Variants in VWA8 observed in about 807,000 individuals in gnomAD.
VWA8 encodes von Willebrand factor A domain containing 8.
Under a neutral mutation model 241.5 loss-of-function variants are expected in VWA8, and 221 were observed. That is an observed-to-expected ratio of 0.91 (90% CI 0.82 to 1.02). VWA8 has a LOEUF of 1.02. Ranked by LOEUF, VWA8 falls within the 50% of genes least tolerant of loss-of-function variation. VWA8 has a pLI of 0.00. For missense variants in VWA8, 2,322 were observed against 2,328.7 expected, an observed-to-expected ratio of 1.00 and a Z score of 0.06; for synonymous variants, 852 against 827.1, an observed-to-expected ratio of 1.03 and a Z score of -0.52.
At position 41,689,517 on chromosome 13, in the gene VWA8, T is replaced by C. The variant is rs756158928; in HGVS notation, c.3977-9A>G. The C allele has an allele frequency of 4.4e-6, 7 of 1,600,320 alleles. No individual in the cohort carries two copies. The African/African-American group carries it at 8.1e-5, about 18-fold the overall frequency. ...TATGCTGAACTCTGTTTCTGAAAAGTACAAACATTAGACACCATATGCTCC... is the reference window on the plus strand; with the variant it reads ...TATGCTGAACTCTGTTTCTGAAAAGCACAAACATTAGACACCATATGCTCC... On this transcript the variant is annotated splice_polypyrimidine_tract_variant and intron_variant, in intron 33 of 44. Coordinates refer to ENST00000379310, the MANE Select transcript of VWA8 (RefSeq NM_015058.2).
chr13:41,676,674 C>T (rs2045062366), intron 35 of VWA8, among the ~76,000 whole-genome samples: 2 of 152,068 alleles, frequency 1.3e-5, no homozygotes, highest in African/African-American at 4.8e-5. Context: ...CTCTTGTTGC[C>T]CAGGCTGGAG....
At chr13:41,811,103 A>AT in intron 17 of VWA8, 122 bp downstream of exon 17, 1 of 755,380 alleles carries the variant, frequency 1.3e-6, no homozygotes, top group South Asian at 2.2e-5. Context: ...CAAGGCTGAA[A>AT]TAGCTCTACA....
At chr13:41,588,258 C>T (rs1325299823) in intron 41 of VWA8, among the ~76,000 whole-genome samples, 1 of 152,234 alleles carries the variant, frequency 6.6e-6, no homozygotes, top group Admixed American at 6.5e-5. Context: ...CTTCCTTCCA[C>T]ATTACTGAAT....
chr13:41,951,728 G>T (rs1039554233), intron 1 of VWA8, among the ~76,000 whole-genome samples: 19 of 152,116 alleles, frequency 1.2e-4, no homozygotes, highest in Admixed American at 1.0e-3. Context: ...TGAACACTAA[G>T]GCCTTAAATC....
intron 1 of VWA8, among the ~76,000 whole-genome samples, chr13:41,951,712 A>G (rs1298114620): frequency 6.6e-6 from 1 of 152,232 alleles, no homozygotes; most frequent in East Asian, 1.9e-4. Flanking sequence ...AGCTAGCAAG[A>G]TACCTTGAAC....
intron 3 of VWA8, among the ~76,000 whole-genome samples, chr13:41,909,000 T>C (rs949176090): frequency 6.6e-6 from 1 of 152,196 alleles, no homozygotes; most frequent in Non-Finnish European, 1.5e-5. Context: ...TAGGTCTCCT[T>C]TAATGTGCCT....
Position 41,960,897 on chromosome 13 carries a change from C to T in VWA8, c.119G>A (p.Arg40Gln), listed in dbSNP as rs1161317625. The change falls in exon 1 of 45, where the codon CGG becomes CAG. Residue 40 changes from arginine (R) to glutamine (Q), a missense_variant. Transcript: ENST00000379310. ...GGCGTGCAACAGTCTGACCTCCGGC[C>T]GCTGCCTGTCGCCACCCGGCCTGCG... ...VQRRPGGDRQ[R>Q]PEVRLLHAGS... The T allele has an allele frequency of 6.6e-7, 1 of 1,513,344 alleles. No individual in the cohort carries two copies. The highest frequency in any genetic ancestry group is 1.2e-5 in the South Asian group (1 of 82,828). The allele number at this position is 1,513,344 out of a possible 1,614,324, so 93.7% of individuals were successfully genotyped here. A position where few individuals can be genotyped will look rare whatever the true frequency, so the allele number is the denominator to read the frequency against.
At chr13:41,680,945 G>A (rs549704783) in intron 35 of VWA8, among the ~76,000 whole-genome samples, 1 of 152,240 alleles carries the variant, frequency 6.6e-6, no homozygotes, top group Non-Finnish European at 1.5e-5. Context: ...CTCTTTGACT[G>A]AACTGTAGTC....
intron 21 of VWA8, among the ~76,000 whole-genome samples, chr13:41,753,431 G>A (rs2045670540): frequency 6.6e-6 from 1 of 152,092 alleles, no homozygotes; most frequent in Non-Finnish European, 1.5e-5. Context: ...ACATATTCAA[G>A]TGTCCTCTTA....
chr13:41,861,972 A>C (rs1236920838), intron 12 of VWA8, among the ~76,000 whole-genome samples: 1 of 152,210 alleles, frequency 6.6e-6, no homozygotes, highest in Non-Finnish European at 1.5e-5. Context: ...GACTCAAAAA[A>C]CAGCCTGAAT....
chr13:41,881,838 G>A (rs1186375527), intron 9 of VWA8, among the ~76,000 whole-genome samples: 96 of 143,884 alleles, frequency 6.7e-4, no homozygotes, highest in Non-Finnish European at 1.2e-3. Flanking sequence ...CGGACGGGGC[G>A]GCTGGCCGGG....
Position 41,734,561 on chromosome 13 carries a change from T to C in VWA8, c.2427-2406A>G, listed in dbSNP as rs140996964. On this transcript the variant is annotated intron_variant, in intron 21 of 44. Transcript: ENST00000379310. The stretch of plus-strand genomic sequence containing the variant: ...AACAGGTACGCTGGCAATACAATTA[T>C]TGACATTTACAATTTGTAGACTATT... Among the ~76,000 whole-genome samples the C allele has an allele frequency of 2.3e-3, 352 of 152,348 alleles. 1 individual carries two copies. The highest frequency in any genetic ancestry group is 3.8e-3 in the Non-Finnish European group (258 of 68,032).
At chr13:41,663,493 A>G (rs924407431) in intron 37 of VWA8, among the ~76,000 whole-genome samples, 1 of 152,144 alleles carries the variant, frequency 6.6e-6, no homozygotes, top group African/African-American at 2.4e-5. Context: ...CCCTCAAGCA[A>G]TTAAGAGGTT....
chr13:41,788,163 A>G (rs1484139416), intron 17 of VWA8, among the ~76,000 whole-genome samples: 1 of 152,222 alleles, frequency 6.6e-6, no homozygotes, highest in African/African-American at 2.4e-5. Context: ...ACACAAATAA[A>G]GCTATAGCTA....
intron 26 of VWA8, among the ~76,000 whole-genome samples, chr13:41,705,452 T>C (rs896807762): frequency 1.3e-5 from 2 of 152,246 alleles, no homozygotes; most frequent in African/African-American, 2.4e-5. Flanking sequence ...AACTATATTT[T>C]ACATTTGCTT....
At chr13:41,712,537 T>G (rs1294702973) in intron 26 of VWA8, among the ~76,000 whole-genome samples, 1 of 152,222 alleles carries the variant, frequency 6.6e-6, no homozygotes, top group Admixed American at 6.5e-5. Flanking sequence ...TGATCCATGT[T>G]TCCAAATGGT....
At chr13:41,921,809 TC>T (rs1344397100) in intron 2 of VWA8, among the ~76,000 whole-genome samples, 5 of 152,160 alleles carry the variant, frequency 3.3e-5, no homozygotes, top group African/African-American at 1.2e-4. Context: ...GGAAGAACAT[TC>T]CATGCTCATG....
intron 12 of VWA8, among the ~76,000 whole-genome samples, chr13:41,848,337 T>C (rs1593814584): frequency 6.6e-6 from 1 of 152,118 alleles, no homozygotes; most frequent in African/African-American, 2.4e-5. Flanking sequence ...TGAAGCAACA[T>C]AGAAAAAGGC....
intron 2 of VWA8, among the ~76,000 whole-genome samples, chr13:41,940,004 G>A (rs1877521708): frequency 6.6e-6 from 1 of 152,116 alleles, no homozygotes; most frequent in Non-Finnish European, 1.5e-5. Context: ...CTAACACACT[G>A]TTCTTCTCAT....
Sources: allele counts gnomAD v4.1 joint callset (sites outside exome capture counted in the v4.1 genomes callset), GRCh38; gene constraint gnomAD v4.1.1; transcripts MANE v1.5; gene names NCBI Gene and HGNC (gene_info 2026-07-23, HGNC 2026-07-21).